The following TMEM178B variants were observed in gnomAD, a reference collection of about 807,000 sequenced individuals.
TMEM178B encodes transmembrane protein 178B.
A neutral mutation model predicts 31.0 loss-of-function variants in TMEM178B; 5 were observed. The observed-to-expected ratio is 0.16, with a 90% CI of 0.08 to 0.34. TMEM178B has a LOEUF of 0.34. TMEM178B is among the 10% of genes least tolerant of loss of function. The pLI is 1.00. For missense variants in TMEM178B, 275 were observed against 400.3 expected, an observed-to-expected ratio of 0.69 and a Z score of 2.67; for synonymous variants, 164 against 164.0, an observed-to-expected ratio of 1.00 and a Z score of 0.00.
At chr7:141,295,786 T>C (rs1382172102) in intron 2 of TMEM178B, among the ~76,000 whole-genome samples, 1 of 152,130 alleles carries the variant, frequency 6.6e-6, no homozygotes, top group Non-Finnish European at 1.5e-5. Context: ...GCTGCCAACC[T>C]GGAGGCAGGT....
intron 1 of TMEM178B, among the ~76,000 whole-genome samples, chr7:141,098,305 A>G (rs894879093): frequency 5.3e-5 from 8 of 152,242 alleles, no homozygotes; most frequent in African/African-American, 1.7e-4. Context: ...TCTTCTAACC[A>G]TAATTCCTCA....
the TMEM178B span, among the ~76,000 whole-genome samples, chr7:141,508,460 G>A: frequency 6.6e-6 from 1 of 152,154 alleles, no homozygotes; most frequent in African/African-American, 2.4e-5. Flanking sequence ...ACCTCTGCCT[G>A]TTACCCAGTT....
intron 1 of TMEM178B, among the ~76,000 whole-genome samples, chr7:141,132,278 A>C (rs1482306387): frequency 6.6e-6 from 1 of 152,196 alleles, no homozygotes; most frequent in Non-Finnish European, 1.5e-5. Context: ...GCTGTAACCA[A>C]ATTTAACTAG....
At chr7:141,195,483 T>G (rs1410185062) in intron 1 of TMEM178B, among the ~76,000 whole-genome samples, 1 of 152,182 alleles carries the variant, frequency 6.6e-6, no homozygotes, top group African/African-American at 2.4e-5. Context: ...GTTCCTTATC[T>G]CCATCTGAGA....
intron 2 of TMEM178B, among the ~76,000 whole-genome samples, chr7:141,424,525 T>C (rs753763041): frequency 6.6e-6 from 1 of 152,240 alleles, no homozygotes. Flanking sequence ...AGAGCTCCAG[T>C]TAGTGCAGTT....
chr7:141,451,395 C>T (rs1036368964), intron 3 of TMEM178B, among the ~76,000 whole-genome samples: 6 of 152,162 alleles, frequency 3.9e-5, no homozygotes, highest in Non-Finnish European at 8.8e-5. Flanking sequence ...TGACTCCTAC[C>T]TTCTTTGCAG....
chr7:141,260,109 G>A (rs950309811), intron 2 of TMEM178B, among the ~76,000 whole-genome samples: 6 of 151,850 alleles, frequency 4.0e-5, no homozygotes, highest in African/African-American at 1.5e-4. Flanking sequence ...CCATTTAGTT[G>A]CTTGCTTCAC....
At chr7:141,332,477 A>G (rs1799314876) in intron 2 of TMEM178B, among the ~76,000 whole-genome samples, 1 of 152,132 alleles carries the variant, frequency 6.6e-6, no homozygotes, top group African/African-American at 2.4e-5. Context: ...CCATGACCCC[A>G]TTCTTCCATG....
chr7:141,207,458 T>G (rs1796985183), intron 1 of TMEM178B, among the ~76,000 whole-genome samples: 1 of 152,188 alleles, frequency 6.6e-6, no homozygotes, highest in Non-Finnish European at 1.5e-5. Context: ...ATTTACTTAT[T>G]TATTTATTTT....
intron 2 of TMEM178B, among the ~76,000 whole-genome samples, chr7:141,288,464 T>A (rs1390760894): frequency 6.8e-6 from 1 of 147,136 alleles, no homozygotes; most frequent in African/African-American, 2.5e-5. Flanking sequence ...AAGCAGAGCA[T>A]CCCTGTCCGG....
At chr7:141,332,077 G>A (rs1332101876) in intron 2 of TMEM178B, among the ~76,000 whole-genome samples, 1 of 152,142 alleles carries the variant, frequency 6.6e-6, no homozygotes, top group Non-Finnish European at 1.5e-5. Context: ...CATCTTCACA[G>A]CTCTGACCTT....
At chr7:141,288,776 C>T (rs1192249235) in intron 2 of TMEM178B, among the ~76,000 whole-genome samples, 1 of 152,204 alleles carries the variant, frequency 6.6e-6, no homozygotes, top group African/African-American at 2.4e-5. Context: ...AGTGACGTTC[C>T]TCACTGTGTG....
chr7:141,128,455 G>A (rs1244010953), intron 1 of TMEM178B, among the ~76,000 whole-genome samples: 1 of 151,708 alleles, frequency 6.6e-6, no homozygotes, highest in East Asian at 1.9e-4. Context: ...CCTCATTTTT[G>A]CTACTCAGCA....
intron 1 of TMEM178B, among the ~76,000 whole-genome samples, chr7:141,166,502 G>A (rs188875919): frequency 1.3e-5 from 2 of 152,306 alleles, no homozygotes; most frequent in East Asian, 1.9e-4. Context: ...AGCTCCTTTG[G>A]AAACTGCCAT....
At chr7:141,507,014 C>A in the TMEM178B span, among the ~76,000 whole-genome samples, 4 of 152,184 alleles carry the variant, frequency 2.6e-5, no homozygotes, top group African/African-American at 9.6e-5. Flanking sequence ...ATCCAGGCAA[C>A]ACTGATACAA....
chr7:141,266,177 C>G (rs1798092124), intron 2 of TMEM178B, among the ~76,000 whole-genome samples: 1 of 152,206 alleles, frequency 6.6e-6, no homozygotes, highest in African/African-American at 2.4e-5. Flanking sequence ...TTTGAAGCTC[C>G]AAAGCCTTGA....
intron 1 of TMEM178B, among the ~76,000 whole-genome samples, chr7:141,109,383 A>G (rs1002942652): frequency 1.3e-5 from 2 of 151,918 alleles, no homozygotes; most frequent in East Asian, 3.9e-4. Context: ...TAAGCTGGAA[A>G]CTCAGGGGGT....
chr7:141,426,841 A>T (rs1011124051), intron 2 of TMEM178B, among the ~76,000 whole-genome samples: 2 of 152,204 alleles, frequency 1.3e-5, no homozygotes, highest in African/African-American at 4.8e-5. Context: ...TAATAAACTA[A>T]TACTACATTT....
chr7:141,503,906 A>G, the TMEM178B span, among the ~76,000 whole-genome samples: 113 of 152,332 alleles, frequency 7.4e-4, no homozygotes, highest in African/African-American at 2.1e-3. Flanking sequence ...ATGTGTATCA[A>G]TTTGGAAGTT....
Sources: gnomAD v4.1 joint callset for allele counts (sites outside exome capture counted in the v4.1 genomes callset) on GRCh38, gnomAD v4.1.1 for gene constraint, MANE v1.5 for transcripts, NCBI Gene and HGNC (gene_info 2026-07-23, HGNC 2026-07-21) for gene names.